The following RXRA variants were observed in gnomAD, a reference collection of about 807,000 sequenced individuals.
RXRA encodes the protein retinoid X receptor alpha, also known as retinoic acid receptor RXR-alpha.
A neutral mutation model predicts 44.5 loss-of-function variants in RXRA; 5 were observed. The observed-to-expected ratio is 0.11, with a 90% CI of 0.06 to 0.24. RXRA has a LOEUF of 0.24. RXRA is among the 10% of genes least tolerant of loss of function. The pLI, the probability that RXRA is intolerant of heterozygous loss-of-function variation, is 1.00. For synonymous variants in RXRA, 291 were observed against 271.4 expected (o/e 1.07, Z -0.71); for missense variants, 412 against 646.5 (o/e 0.64, Z 3.93).
intron 2 of RXRA, chr9:134,403,706 C>G (rs552845503): frequency 2.4e-3 from 372 of 152,656 alleles, no homozygotes; most frequent in Non-Finnish European, 4.3e-3. Flanking sequence ...GGGGAGGAGG[C>G]TTTTCAGGGC....
intron 1 of RXRA, among the ~76,000 whole-genome samples, chr9:134,338,048 C>T (rs972102469): frequency 1.1e-4 from 17 of 152,094 alleles, no homozygotes; most frequent in Non-Finnish European, 2.1e-4. Flanking sequence ...GCCAGGCCAG[C>T]GGGGGAGATG....
chr9:134,417,141 C>A lies in RXRA; in HGVS notation c.611-17C>A. 6.2e-7 allele frequency: 1 copy of A among 1,604,272 alleles called. No homozygotes were observed. On this transcript the variant is annotated splice_polypyrimidine_tract_variant and intron_variant, in intron 4 of 9. Coordinates refer to ENST00000481739, the MANE Select transcript of RXRA (RefSeq NM_002957.6). The surrounding 1 kb of genome is among the most constrained non-coding windows in gnomAD (Gnocchi z 6.1). ...CCGGGCTGAGCGTGGGGCTCACCTG[C>A]GCCTCCCGGGTTGTAGCCGTGCAGG...
chr9:134,327,653 C>T (rs1554746198), intron 1 of RXRA, among the ~76,000 whole-genome samples: 1 of 152,174 alleles, frequency 6.6e-6, no homozygotes, highest in African/African-American at 2.4e-5. Context: ...TGCCCACCCT[C>T]CCTGCAGCCT....
intron 1 of RXRA, among the ~76,000 whole-genome samples, chr9:134,395,134 C>T (rs1258355626): frequency 1.3e-5 from 2 of 152,242 alleles, no homozygotes; most frequent in Non-Finnish European, 2.9e-5. Context: ...CATCAGTCCC[C>T]TCTCAGTCCT....
intron 1 of RXRA, among the ~76,000 whole-genome samples, chr9:134,348,551 C>T (rs1025843181): frequency 3.9e-5 from 6 of 152,168 alleles, no homozygotes; most frequent in East Asian, 1.9e-4. Flanking sequence ...GATCTGATCC[C>T]GGGGGACGCA....
rs566714193 is a variant in RXRA at position 134,356,574 on chromosome 9, G to T, written c.28+29915G>T. On this transcript the variant is annotated intron_variant, in intron 1 of 9. Transcript: ENST00000481739. ...TGGGGAAGGTCCGTGGCTGGAGAAG[G>T]TCCGTGCCTTGCCCAGAAGTGTGTC... Among the ~76,000 whole-genome samples, 4 of 152,338 alleles carry T rather than the reference G, an allele frequency of 2.6e-5. No homozygotes were observed. The East Asian group carries it at 7.7e-4, about 29-fold the overall frequency.
intron 1 of RXRA, among the ~76,000 whole-genome samples, chr9:134,357,235 G>A (rs1013857450): frequency 3.9e-5 from 6 of 152,218 alleles, no homozygotes; most frequent in African/African-American, 1.2e-4. Flanking sequence ...CTCCTGCCCC[G>A]GGTGGAGGGC....
At position 134,366,976 on chromosome 9, in the gene RXRA, C is replaced by G. The variant is rs1323725659; in HGVS notation, c.29-34656C>G. ...CCTGCACATCCCCACCCCTGCCCTG[C>G]GTGCCACTCTCAGCCTTTGCCCAGC... On this transcript the variant is annotated intron_variant, in intron 1 of 9. Coordinates refer to ENST00000481739, the MANE Select transcript of RXRA (RefSeq NM_002957.6). The surrounding 1 kb of genome is among the most constrained non-coding windows in gnomAD (Gnocchi z 5.9). Among the ~76,000 whole-genome samples, 5 of 152,150 alleles carry G rather than the reference C, an allele frequency of 3.3e-5. No individual in the cohort carries two copies. Among genetic ancestry groups the G allele is most frequent in the Non-Finnish European group, 7.3e-5 (5 of 68,032 alleles).
Position 134,333,987 on chromosome 9 carries a change from G to T in RXRA, c.28+7328G>T, listed in dbSNP as rs1835047226. Among the ~76,000 whole-genome samples, 6 of 152,262 alleles carry T rather than the reference G, an allele frequency of 3.9e-5. No homozygotes were observed. The South Asian group carries it at 1.2e-3, about 31-fold the overall frequency. ...CAGCAGCCCCCTTGGTACAGGGCTT[G>T]GGGTGGGGCTGCAGCTTTGGACTTG... On this transcript the variant is annotated intron_variant, in intron 1 of 9. Coordinates refer to ENST00000481739, the MANE Select transcript of RXRA (RefSeq NM_002957.6).
In RXRA at chr9:134,436,713, T is replaced by G. The variant is rs1012544611; in HGVS notation, c.*99T>G. 2.8e-6 allele frequency: 4 copies of G among 1,412,292 alleles called. No homozygotes were observed. The highest frequency in any genetic ancestry group is 3.9e-6 in the Non-Finnish European group (4 of 1,028,140). 87.5% of individuals were successfully genotyped at this position (1,412,292 alleles called of 1,614,324 possible). A position where few individuals can be genotyped will look rare whatever the true frequency, so the allele number is the denominator to read the frequency against. ...AGCCCTGTCCCTGCCCTTCTCTGCCTGGCCTGTTTGGACTTTGGGGCACAG... is the reference window on the plus strand; with the variant it reads ...AGCCCTGTCCCTGCCCTTCTCTGCCGGGCCTGTTTGGACTTTGGGGCACAG... On this transcript the variant is annotated 3_prime_UTR_variant, in exon 10 of 10. Coordinates refer to ENST00000481739, the MANE Select transcript of RXRA (RefSeq NM_002957.6).
intron 4 of RXRA, among the ~76,000 whole-genome samples, chr9:134,411,664 A>G (rs1430675777): frequency 6.6e-6 from 1 of 152,238 alleles, no homozygotes. Flanking sequence ...CTTTGCCTCC[A>G]GCAGGATTCT....
In RXRA at chr9:134,433,083, G is replaced by A. The variant is rs1831558416; in HGVS notation, c.1136-1019G>A. On this transcript the variant is annotated intron_variant, in intron 8 of 9. Transcript: ENST00000481739. This position sits in a 1 kb window ranked among gnomAD's most constrained non-coding sequence, Gnocchi z 4.2. The stretch of plus-strand genomic sequence containing the variant: ...TCTCGGCTCCTGGCCCTGACCTTCT[G>A]ACCTTGCCCTTTGTCAGACCTGGCT... Among the ~76,000 whole-genome samples, 1 of 152,144 alleles carries A rather than the reference G, an allele frequency of 6.6e-6. No individual in the cohort carries two copies. Among genetic ancestry groups the A allele is most frequent in the African/African-American group, 2.4e-5 (1 of 41,422 alleles).
intron 4 of RXRA, among the ~76,000 whole-genome samples, chr9:134,410,980 G>A (rs1455381147): frequency 2.0e-5 from 3 of 152,178 alleles, no homozygotes; most frequent in Non-Finnish European, 4.4e-5. Context: ...AGGCACTGTG[G>A]GAGCCCAGAG....
chr9:134,368,771 A>G, intron 1 of RXRA, among the ~76,000 whole-genome samples: 1 of 144,090 alleles, frequency 6.9e-6, no homozygotes, highest in African/African-American at 2.7e-5. Flanking sequence ...TGTGACTGTG[A>G]GTGTGTTTGG....
chr9:134,422,395 C>G (rs1403678900), intron 6 of RXRA: 2 of 1,277,516 alleles, frequency 1.6e-6, no homozygotes, highest in Admixed American at 2.3e-5. Context: ...CCGGGACACT[C>G]CCCCGTCCCG....
At chr9:134,402,901 G>A (rs1830987337) in intron 2 of RXRA, 1 of 152,112 alleles carries the variant, frequency 6.6e-6, no homozygotes, top group Admixed American at 6.5e-5. Context: ...TGCCATCTCA[G>A]GACAGCCCAC....
chr9:134,371,163 A>G (rs1447172293), intron 1 of RXRA, among the ~76,000 whole-genome samples: 4 of 152,076 alleles, frequency 2.6e-5, no homozygotes, highest in Non-Finnish European at 1.5e-5. Flanking sequence ...ACCCAGTTAC[A>G]AAAGTCATCC....
At position 134,419,836 on chromosome 9, in the gene RXRA, C is replaced by G. The variant is rs570507382; in HGVS notation, c.781-1840C>G. Reference sequence around the variant, plus strand: ...AGGCCTAGCCCTGCTGGTACTGGAGCGAGAGCCTCACACCTGCCGGGAGTG... The same window carrying G: ...AGGCCTAGCCCTGCTGGTACTGGAGGGAGAGCCTCACACCTGCCGGGAGTG... On this transcript the variant is annotated intron_variant, in intron 5 of 9. Transcript: ENST00000481739. Among the ~76,000 whole-genome samples the G allele has an allele frequency of 2.0e-5, 3 of 152,328 alleles. No homozygotes were observed. The East Asian group carries it at 5.8e-4, about 29-fold the overall frequency.
chr9:134,401,103 T>C (rs1354485934), intron 1 of RXRA, among the ~76,000 whole-genome samples: 1 of 152,224 alleles, frequency 6.6e-6, no homozygotes, highest in Non-Finnish European at 1.5e-5. Flanking sequence ...GGGAGAATCA[T>C]GGTGCTCACT....
Sources: allele counts gnomAD v4.1 joint callset (sites outside exome capture counted in the v4.1 genomes callset), GRCh38; gene constraint gnomAD v4.1.1; non-coding constraint Gnocchi (gnomAD v3.1); transcripts MANE v1.5; gene names NCBI Gene and HGNC (gene_info 2026-07-23, HGNC 2026-07-21).